The following COL22A1 variants were observed in gnomAD, a reference collection of about 807,000 sequenced individuals.
COL22A1 encodes the protein collagen alpha-1(XXII) chain.
COL22A1 carries 221 observed loss-of-function variants against 248.9 expected under a neutral mutation model. That is an observed-to-expected ratio of 0.89 (90% CI 0.80 to 0.99). The LOEUF is 0.99. Ranked by LOEUF, COL22A1 falls within the 50% of genes least tolerant of loss-of-function variation. COL22A1 has a pLI of 0.00. For synonymous variants in COL22A1, 891 were observed against 793.4 expected (o/e 1.12, Z -2.07); for missense variants, 2,240 against 2,179.0 (o/e 1.03, Z -0.56).
At chr8:138,675,165 G>C (rs1358396238) in intron 41 of COL22A1, among the ~76,000 whole-genome samples, 1 of 152,170 alleles carries the variant, frequency 6.6e-6, no homozygotes, top group African/African-American at 2.4e-5. Context: ...ATAACAGTGA[G>C]GGGGTGATTT....
chr8:138,879,690 CAAAAAAAAAAA>C (rs372214665), intron 2 of COL22A1, among the ~76,000 whole-genome samples: 1 of 99,044 alleles, frequency 1.0e-5, no homozygotes, highest in African/African-American at 4.5e-5. Context: ...GACACTCTCT[CAAAAAAAAAAA>C]AAAAAAAAAA....
chr8:138,808,226 T>C (rs967310662), intron 9 of COL22A1, among the ~76,000 whole-genome samples: 1 of 152,124 alleles, frequency 6.6e-6, no homozygotes, highest in African/African-American at 2.4e-5. Flanking sequence ...GGAGGAATAA[T>C]GAATGGTAAG....
At chr8:138,815,675 T>C (rs571625722) in intron 7 of COL22A1, among the ~76,000 whole-genome samples, 6 of 152,318 alleles carry the variant, frequency 3.9e-5, no homozygotes, top group East Asian at 3.9e-4. Context: ...TAATAGAACA[T>C]AGACCACGAG....
At position 138,812,924 on chromosome 8, in the gene COL22A1, C is replaced by A; in HGVS notation, c.1326+15G>T. On this transcript the variant is annotated intron_variant, in intron 8 of 64. Coordinates refer to ENST00000303045, the MANE Select transcript of COL22A1 (RefSeq NM_152888.3). ...CCCATTTCCTCCCATCCTCTCTGTG[C>A]GAGAGTCTGCTCACCGGACCCGAGG... is the stretch of plus-strand genomic sequence containing the variant. 2 of 1,597,140 alleles carry A rather than the reference C, an allele frequency of 1.3e-6. No homozygotes were observed. Among genetic ancestry groups the A allele is most frequent in the Non-Finnish European group, 1.7e-6 (2 of 1,164,562 alleles).
At chr8:138,794,095 G>GT (rs1379144387) in intron 12 of COL22A1, among the ~76,000 whole-genome samples, 1 of 152,162 alleles carries the variant, frequency 6.6e-6, no homozygotes, top group Non-Finnish European at 1.5e-5. Flanking sequence ...AACAATGAAA[G>GT]TAGCTGCTAG....
At chr8:138,766,690 T>C (rs1833938496) in intron 16 of COL22A1, among the ~76,000 whole-genome samples, 1 of 146,720 alleles carries the variant, frequency 6.8e-6, no homozygotes, top group Admixed American at 6.7e-5. Flanking sequence ...GAAGAGAGAG[T>C]TTGAGAGACA....
At chr8:138,755,863 A>C (rs2131365027) in intron 18 of COL22A1, 34 bp from the exon 19 acceptor site, 3 of 1,599,596 alleles carry the variant, frequency 1.9e-6, no homozygotes, top group Middle Eastern at 3.3e-4. Flanking sequence ...CAGCATAGTT[A>C]CTGGTGCCAC....
chr8:138,619,318 G>A lies in COL22A1; in HGVS notation c.3825+137C>T, dbSNP rs1819573828. 5.7e-6 allele frequency: 4 copies of A among 700,738 alleles called. No individual in the cohort carries two copies. The South Asian group carries it at 7.3e-5, about 13-fold the overall frequency. 43.4% of individuals were successfully genotyped at this position (700,738 alleles called of 1,614,324 possible). ...GTGGCAAAGCTGAATTGACCGCACAGAAGCACAGCCGTCTGGAGGAGAAGG... is the reference window on the plus strand; with the variant it reads ...GTGGCAAAGCTGAATTGACCGCACAAAAGCACAGCCGTCTGGAGGAGAAGG... On this transcript the variant is annotated intron_variant, in intron 53 of 64. Coordinates refer to ENST00000303045, the MANE Select transcript of COL22A1 (RefSeq NM_152888.3).
At chr8:138,741,550 G>A (rs372542191) in intron 22 of COL22A1, among the ~76,000 whole-genome samples, 35 of 152,320 alleles carry the variant, frequency 2.3e-4, no homozygotes, top group African/African-American at 8.2e-4. Context: ...TAATATTTGA[G>A]GAAGTTATTT....
At chr8:138,813,055 G>C (rs1300986195) in intron 7 of COL22A1, 36 bp from the exon 8 acceptor site, 1 of 1,565,340 alleles carries the variant, frequency 6.4e-7, no homozygotes, top group East Asian at 2.2e-5. Flanking sequence ...ATAAGTTTTA[G>C]GGACTTTGGA....
chr8:138,874,310 G>C (rs1823550590), intron 3 of COL22A1, among the ~76,000 whole-genome samples: 1 of 152,176 alleles, frequency 6.6e-6, no homozygotes, highest in South Asian at 2.1e-4. Context: ...TTCTTGACGT[G>C]ATCAGGGCGG....
intron 5 of COL22A1, among the ~76,000 whole-genome samples, chr8:138,828,768 T>C (rs1819796815): frequency 6.6e-6 from 1 of 151,550 alleles, no homozygotes; most frequent in African/African-American, 2.4e-5. Context: ...AAAAAAGGTA[T>C]TTTGATCCTC....
At chr8:138,723,901 G>A (rs952553606) in intron 25 of COL22A1, among the ~76,000 whole-genome samples, 2 of 152,156 alleles carry the variant, frequency 1.3e-5, no homozygotes, top group Non-Finnish European at 2.9e-5. Context: ...TGCCCCATGT[G>A]TTACCCAATC....
intron 39 of COL22A1, among the ~76,000 whole-genome samples, chr8:138,682,833 G>A (rs1417583752): frequency 1.3e-5 from 2 of 152,110 alleles, no homozygotes; most frequent in Non-Finnish European, 2.9e-5. Flanking sequence ...CCAAGTAGCT[G>A]GGATTACAGG....
intron 9 of COL22A1, among the ~76,000 whole-genome samples, chr8:138,808,413 C>G (rs888398366): frequency 2.0e-5 from 3 of 152,058 alleles, no homozygotes; most frequent in African/African-American, 7.2e-5. Flanking sequence ...CTATTTTTAC[C>G]TGAATATATC....
At chr8:138,628,117 T>C (rs897580245) in intron 50 of COL22A1, among the ~76,000 whole-genome samples, 2 of 152,218 alleles carry the variant, frequency 1.3e-5, no homozygotes, top group Admixed American at 1.3e-4. Context: ...TCAGTGGATG[T>C]TCTTTTTATG....
intron 62 of COL22A1, among the ~76,000 whole-genome samples, chr8:138,595,041 T>C (rs760369513): frequency 6.6e-6 from 1 of 152,138 alleles, no homozygotes; most frequent in Non-Finnish European, 1.5e-5. Context: ...TTGTTAGCCA[T>C]GCAGTCATAG....
At chr8:138,718,693 CTATGAG>C (rs1212437806) in intron 27 of COL22A1, among the ~76,000 whole-genome samples, 1 of 152,176 alleles carries the variant, frequency 6.6e-6, no homozygotes, top group African/African-American at 2.4e-5. Flanking sequence ...TCCTCTAGGA[CTATGAG>C]TATGTTGGAA....
chr8:138,878,318 T>C lies in COL22A1; in HGVS notation c.92-2A>G, dbSNP rs1232799318. 1 of 1,530,146 alleles carries C rather than the reference T, an allele frequency of 6.5e-7. No homozygotes were observed. Among genetic ancestry groups the C allele is most frequent in the Non-Finnish European group, 8.8e-7 (1 of 1,134,714 alleles). The allele number at this position is 1,530,146 out of a possible 1,614,324, so 94.8% of individuals were successfully genotyped here. A position where few individuals can be genotyped will look rare whatever the true frequency, so the allele number is the denominator to read the frequency against. Reference sequence around the variant, plus strand: ...GATCGTAGTGGACACTTTTGCAACCTGCAGGGGTGAGAGAAGGGGTGGCGT... The same window carrying C: ...GATCGTAGTGGACACTTTTGCAACCCGCAGGGGTGAGAGAAGGGGTGGCGT... On this transcript the variant is annotated splice_acceptor_variant, in intron 2 of 64. Coordinates refer to ENST00000303045, the MANE Select transcript of COL22A1 (RefSeq NM_152888.3). LOFTEE classifies it high-confidence loss of function.
Sources: gnomAD v4.1 joint callset for allele counts (sites outside exome capture counted in the v4.1 genomes callset) on GRCh38, gnomAD v4.1.1 for gene constraint, MANE v1.5 for transcripts, NCBI Gene and HGNC (gene_info 2026-07-23, HGNC 2026-07-21) for gene names.